PHF14: variants seen among roughly 807,000 people sequenced by gnomAD.
PHF14 encodes PHD finger protein 14.
A neutral mutation model predicts 117.9 loss-of-function variants in PHF14; 55 were observed. The ratio of observed to expected loss-of-function variants is 0.47; its 90% CI spans 0.38 to 0.58. The LOEUF is 0.58. Among genes scored for constraint, PHF14 ranks in the 20% least tolerant of loss-of-function variants. The probability of loss-of-function intolerance (pLI) is 0.00; values close to 1 mark genes in which losing one functional copy is unlikely to be tolerated. For missense variants in PHF14, 978 were observed against 1,122.2 expected, an observed-to-expected ratio of 0.87 and a Z score of 1.84; for synonymous variants, 409 against 368.6, an observed-to-expected ratio of 1.11 and a Z score of -1.26.
intron 16 of PHF14, among the ~76,000 whole-genome samples, chr7:11,093,214 C>T (rs746569962): frequency 2.0e-5 from 3 of 152,154 alleles, no homozygotes; most frequent in South Asian, 2.1e-4. Context: ...TTAATATCTC[C>T]GTCATCCCAG....
rs137946796 is a variant in PHF14 at position 11,002,227 on chromosome 7, A to T, written c.1045+11380A>T. Among the ~76,000 whole-genome samples, 268 of 152,060 alleles carry T rather than the reference A, an allele frequency of 1.8e-3. 1 individual carries two copies. The highest frequency in any genetic ancestry group is 3.0e-3 in the Non-Finnish European group (203 of 68,004). ...ATTCCTCATGCAGGAGATGGGAAGG[A>T]TCATCCTTTGAGAGACATTGGTTTA... On this transcript the variant is annotated intron_variant, in intron 4 of 17. Coordinates refer to ENST00000634607, the MANE Select transcript of PHF14 (RefSeq NM_001007157.2).
intron 2 of PHF14, among the ~76,000 whole-genome samples, chr7:10,977,874 G>C (rs1781920365): frequency 6.6e-6 from 1 of 152,110 alleles, no homozygotes; most frequent in African/African-American, 2.4e-5. Context: ...TTTGAGACTT[G>C]GGCATAGGGT....
chr7:11,102,495 A>T, intron 16 of PHF14: 1 of 1,609,260 alleles, frequency 6.2e-7, no homozygotes, highest in Non-Finnish European at 8.5e-7. Flanking sequence ...GATACCCTTC[A>T]TGAGACCCAA....
intron 16 of PHF14, chr7:11,102,783 C>A: frequency 9.6e-6 from 13 of 1,360,240 alleles, no homozygotes; most frequent in Non-Finnish European, 1.1e-5. Flanking sequence ...TTGCACTTAT[C>A]AGAAATATTT....
intron 17 of PHF14, among the ~76,000 whole-genome samples, chr7:11,131,222 TA>T (rs1788083190): frequency 6.6e-6 from 1 of 151,932 alleles, no homozygotes; most frequent in Non-Finnish European, 1.5e-5. Context: ...GATCATATGG[TA>T]AGAGTGTGTT....
intron 17 of PHF14, among the ~76,000 whole-genome samples, chr7:11,140,253 C>A (rs1454063721): frequency 6.6e-6 from 1 of 152,096 alleles, no homozygotes; most frequent in African/African-American, 2.4e-5. Context: ...ATGCATACAC[C>A]CCCACACGGA....
At chr7:11,085,572 A>G (rs1438891629) in intron 16 of PHF14, among the ~76,000 whole-genome samples, 22 of 152,094 alleles carry the variant, frequency 1.4e-4, no homozygotes, top group Non-Finnish European at 2.6e-4. Flanking sequence ...TACTCATCCT[A>G]TTTGGCCTCG....
chr7:11,152,736 A>G (rs922414756), intron 17 of PHF14, among the ~76,000 whole-genome samples: 2 of 152,224 alleles, frequency 1.3e-5, no homozygotes, highest in African/African-American at 2.4e-5. Context: ...GTGGATGTTC[A>G]TTTTATTGTA....
At chr7:11,093,930 AT>A (rs113692954) in intron 16 of PHF14, among the ~76,000 whole-genome samples, 5 of 150,838 alleles carry the variant, frequency 3.3e-5, no homozygotes, top group African/African-American at 9.8e-5. Flanking sequence ...GGAGTAGAGG[AT>A]TTTTTTTTCC....
intron 5 of PHF14, 103 bp from the exon 6 acceptor site, chr7:11,022,765 T>A: frequency 1.9e-6 from 1 of 528,794 alleles, no homozygotes; most frequent in Non-Finnish European, 3.3e-6. Context: ...ATTACAGAAT[T>A]CTCTTGGTAG....
At chr7:11,155,530 T>C (rs2128355264) in intron 17 of PHF14, among the ~76,000 whole-genome samples, 1 of 152,306 alleles carries the variant, frequency 6.6e-6, no homozygotes, top group South Asian at 2.1e-4. Flanking sequence ...CCCTCCATTG[T>C]TTGCTTGACC....
At chr7:11,117,792 GAGA>G (rs1787642731) in intron 17 of PHF14, among the ~76,000 whole-genome samples, 1 of 151,650 alleles carries the variant, frequency 6.6e-6, no homozygotes, top group South Asian at 2.1e-4. Context: ...TTTATGCATT[GAGA>G]AGATTTATGA....
intron 2 of PHF14, among the ~76,000 whole-genome samples, chr7:10,981,476 T>G (rs1782041837): frequency 6.6e-6 from 1 of 152,124 alleles, no homozygotes; most frequent in Non-Finnish European, 1.5e-5. Context: ...TACTAAGTAG[T>G]GTTGGGTTGA....
chr7:11,037,124 G>C, intron 10 of PHF14, 33 bp downstream of exon 10: 1 of 1,447,422 alleles, frequency 6.9e-7, no homozygotes, highest in Non-Finnish European at 9.2e-7. Flanking sequence ...AACATAATGT[G>C]ATAGATCTTA....
At chr7:11,055,041 A>G (rs1307186049) in intron 14 of PHF14, among the ~76,000 whole-genome samples, 3 of 152,152 alleles carry the variant, frequency 2.0e-5, no homozygotes, top group African/African-American at 7.2e-5. Context: ...TTACCACAGA[A>G]GAATGGGTCC....
At chr7:11,054,296 G>T (rs1784943933) in intron 14 of PHF14, among the ~76,000 whole-genome samples, 2 of 152,112 alleles carry the variant, frequency 1.3e-5, no homozygotes, top group African/African-American at 4.8e-5. Context: ...GAATTTAGGG[G>T]TTTGACTAAG....
chr7:11,132,280 T>G (rs901549786), intron 17 of PHF14, among the ~76,000 whole-genome samples: 1 of 150,244 alleles, frequency 6.7e-6, no homozygotes, highest in African/African-American at 2.5e-5. Flanking sequence ...AACCAGGGTT[T>G]TGTTCTGTCT....
chr7:11,064,185 G>C (rs1254379349), intron 16 of PHF14, among the ~76,000 whole-genome samples: 1 of 151,488 alleles, frequency 6.6e-6, no homozygotes, highest in East Asian at 1.9e-4. Context: ...ATTCTTCTTG[G>C]GTTAAAGAAT....
chr7:11,125,174 A>G (rs1006724518), intron 17 of PHF14, among the ~76,000 whole-genome samples: 1 of 151,520 alleles, frequency 6.6e-6, no homozygotes, highest in African/African-American at 2.4e-5. Flanking sequence ...TCTAAAGGTG[A>G]TTTTTTTTTA....
Sources: gnomAD v4.1 joint callset for allele counts (sites outside exome capture counted in the v4.1 genomes callset) on GRCh38, gnomAD v4.1.1 for gene constraint, MANE v1.5 for transcripts, NCBI Gene and HGNC (gene_info 2026-07-23, HGNC 2026-07-21) for gene names.